The following RHAG variants were observed in gnomAD, a reference collection of about 807,000 sequenced individuals.
The protein encoded by RHAG is Rh associated glycoprotein.
In RHAG, 25 loss-of-function variants were observed where a neutral mutation model predicts 42.4. That is an observed-to-expected ratio of 0.59 (90% confidence interval 0.43 to 0.82). The LOEUF is 0.82. RHAG is among the 40% of genes least tolerant of loss of function. The probability of loss-of-function intolerance (pLI) is 0.00; values close to 1 mark genes in which losing one functional copy is unlikely to be tolerated. For missense variants in RHAG, 483 were observed against 504.6 expected (o/e 0.96, Z 0.41); for synonymous variants, 182 against 177.7 (o/e 1.02, Z -0.19).
At position 49,629,948 on chromosome 6, in the gene RHAG, A is replaced by G. The variant is rs570031182; in HGVS notation, c.157+6708T>C. Reference sequence around the variant, plus strand: ...GCCTCTCCCTCCACACCTCCCTGCAAGCTGAGGGAGTGGGCTCAGGCCTTC... The same window carrying G: ...GCCTCTCCCTCCACACCTCCCTGCAGGCTGAGGGAGTGGGCTCAGGCCTTC... On this transcript the variant is annotated intron_variant, in intron 1 of 9. Coordinates refer to ENST00000371175, the MANE Select transcript of RHAG (RefSeq NM_000324.3). Among the ~76,000 whole-genome samples, 6 of 152,232 alleles carry G rather than the reference A, an allele frequency of 3.9e-5. No homozygotes were observed. In the East Asian group the frequency reaches 9.7e-4, roughly 25 times the overall value.
chr6:49,619,658 A>G (rs1762720313), intron 1 of RHAG, among the ~76,000 whole-genome samples: 2 of 152,330 alleles, frequency 1.3e-5, no homozygotes, highest in South Asian at 4.1e-4. Context: ...ACCTGAGGAC[A>G]GACTTACAAA....
At chr6:49,617,588 T>C (rs951050926) in intron 3 of RHAG, among the ~76,000 whole-genome samples, 1 of 152,202 alleles carries the variant, frequency 6.6e-6, no homozygotes, top group Non-Finnish European at 1.5e-5. Context: ...CCCTAAATGT[T>C]CTTTATTTAT....
At chr6:49,630,031 C>G (rs1031363568) in intron 1 of RHAG, among the ~76,000 whole-genome samples, 18 of 152,216 alleles carry the variant, frequency 1.2e-4, no homozygotes, top group African/African-American at 3.9e-4. Context: ...TCCTCAAGTG[C>G]CGCCAAAGTG....
chr6:49,609,912 C>T lies in RHAG; in HGVS notation c.1067+1112G>A, dbSNP rs144436471. Among the ~76,000 whole-genome samples, 1,190 of 152,202 alleles carry T rather than the reference C, an allele frequency of 7.8e-3. 17 individuals are homozygous for T. The highest frequency in any genetic ancestry group is 0.027 in the African/African-American group (1,114 of 41,540). ...CCATAAAAAAAAATGAGTTAATGTCCTTTGCAGGGACATGGATGAAGCTGG... is the reference window on the plus strand; with the variant it reads ...CCATAAAAAAAAATGAGTTAATGTCTTTTGCAGGGACATGGATGAAGCTGG... On this transcript the variant is annotated intron_variant, in intron 7 of 9. Transcript: ENST00000371175.
intron 1 of RHAG, among the ~76,000 whole-genome samples, chr6:49,624,330 C>T (rs931924394): frequency 9.2e-5 from 14 of 152,230 alleles, no homozygotes; most frequent in Admixed American, 2.6e-4. Context: ...CTCAGCCTCC[C>T]GAGTAGCTGG....
intron 7 of RHAG, 66 bp downstream of exon 7, chr6:49,610,958 C>G: frequency 1.3e-6 from 2 of 1,597,452 alleles, no homozygotes; most frequent in Non-Finnish European, 1.7e-6. Flanking sequence ...AAAACTCTCC[C>G]ATTTCTCAGA....
chr6:49,635,330 C>T (rs189978916), intron 1 of RHAG, among the ~76,000 whole-genome samples: 1 of 152,110 alleles, frequency 6.6e-6, no homozygotes, highest in East Asian at 1.9e-4. Flanking sequence ...ATATTTTTGG[C>T]ATTTTTAACA....
intron 7 of RHAG, among the ~76,000 whole-genome samples, chr6:49,609,503 A>G (rs923832028): frequency 1.3e-5 from 2 of 152,234 alleles, no homozygotes; most frequent in Non-Finnish European, 2.9e-5. Context: ...GCTCATTCAC[A>G]CAGGCTTTTA....
At chr6:49,622,845 T>TG (rs753646109) in intron 1 of RHAG, among the ~76,000 whole-genome samples, 30 of 138,578 alleles carry the variant, frequency 2.2e-4, no homozygotes, top group East Asian at 6.1e-4. Context: ...TTTTTTTTTG[T>TG]TTTGTTTTGA....
At chr6:49,629,012 G>A (rs1413204638) in intron 1 of RHAG, among the ~76,000 whole-genome samples, 2 of 152,206 alleles carry the variant, frequency 1.3e-5, no homozygotes, top group Non-Finnish European at 2.9e-5. Flanking sequence ...GTAGAGCCAA[G>A]TGGTGCGTTT....
In RHAG at chr6:49,619,229, T is replaced by A. The variant is rs773055346; in HGVS notation, c.291A>T (p.Val97=). The change falls in exon 2 of 10, where the codon GTA becomes GTT. Residue 97 remains valine, a synonymous_variant. Coordinates refer to ENST00000371175, the MANE Select transcript of RHAG (RefSeq NM_000324.3). ...GTCCCTGGCTTTGCAGGATTCCCTGTACAATAGTGCCCCACTGGAGGCCCA... is the reference window on the plus strand; with the variant it reads ...GTCCCTGGCTTTGCAGGATTCCCTGAACAATAGTGCCCCACTGGAGGCCCA... ...AALGLQWGTI[V]QGILQSQGQK... is the part of the protein sequence containing the mutation. The A allele has an allele frequency of 3.7e-6, 6 of 1,614,066 alleles. No individual in the cohort carries two copies. The South Asian group carries it at 6.6e-5, about 18-fold the overall frequency.
chr6:49,614,199 T>G (rs1342240281), intron 5 of RHAG, among the ~76,000 whole-genome samples: 1 of 151,974 alleles, frequency 6.6e-6, no homozygotes, highest in African/African-American at 2.4e-5. Flanking sequence ...TTTCTTTTTT[T>G]TTTTCTTTGT....
chr6:49,621,251 GGC>G (rs2127354617), intron 1 of RHAG, among the ~76,000 whole-genome samples: 1 of 152,206 alleles, frequency 6.6e-6, no homozygotes, highest in East Asian at 1.9e-4. Context: ...CATTTTCCCT[GGC>G]GGTCAGGAGT....
chr6:49,607,844 A>T (rs912731153), intron 7 of RHAG, among the ~76,000 whole-genome samples: 3 of 152,200 alleles, frequency 2.0e-5, no homozygotes, highest in Non-Finnish European at 4.4e-5. Flanking sequence ...CTCATAGCAG[A>T]CAATAAAGAG....
chr6:49,620,547 G>T (rs1008461260), intron 1 of RHAG, among the ~76,000 whole-genome samples: 1 of 151,798 alleles, frequency 6.6e-6, no homozygotes, highest in Non-Finnish European at 1.5e-5. Context: ...TTTTTTGGGG[G>T]GGGAGACAGA....
At chr6:49,628,431 G>A (rs1762876380) in intron 1 of RHAG, among the ~76,000 whole-genome samples, 1 of 152,156 alleles carries the variant, frequency 6.6e-6, no homozygotes, top group South Asian at 2.1e-4. Flanking sequence ...CGGAATTGGT[G>A]GGTTCTTGGT....
At chr6:49,608,946 A>G (rs1004200784) in intron 7 of RHAG, among the ~76,000 whole-genome samples, 5 of 152,132 alleles carry the variant, frequency 3.3e-5, no homozygotes, top group Admixed American at 6.6e-5. Context: ...AAGGTCTTAA[A>G]AGATATTTTT....
At chr6:49,625,828 C>T (rs981164300) in intron 1 of RHAG, among the ~76,000 whole-genome samples, 2 of 152,130 alleles carry the variant, frequency 1.3e-5, no homozygotes, top group Non-Finnish European at 2.9e-5. Context: ...CACAGTTCCA[C>T]AAGGCTGGGG....
chr6:49,629,755 G>T (rs908270515), intron 1 of RHAG, among the ~76,000 whole-genome samples: 3 of 152,298 alleles, frequency 2.0e-5, no homozygotes, highest in Non-Finnish European at 2.9e-5. Flanking sequence ...GGCACTGCTG[G>T]GGGACCCAGT....
Sources: gnomAD v4.1 joint callset for allele counts (sites outside exome capture counted in the v4.1 genomes callset) on GRCh38, gnomAD v4.1.1 for gene constraint, MANE v1.5 for transcripts, NCBI Gene and HGNC (gene_info 2026-07-23, HGNC 2026-07-21) for gene names.